MIPOL1: variants seen among roughly 807,000 people sequenced by gnomAD.
The protein encoded by MIPOL1 is mirror-image polydactyly gene 1 protein.
Under a neutral mutation model 60.9 loss-of-function variants are expected in MIPOL1, and 57 were observed. That is an observed-to-expected ratio of 0.94 (90% confidence interval 0.76 to 1.17). The LOEUF (loss-of-function observed/expected upper bound fraction) is 1.17, where lower values mean the gene tolerates loss of function less well. MIPOL1 is among the 50% of genes most tolerant of loss of function. The pLI, the probability that MIPOL1 is intolerant of heterozygous loss-of-function variation, is 0.00. For synonymous variants in MIPOL1, 179 were observed against 168.8 expected (o/e 1.06, Z -0.47); for missense variants, 551 against 511.6 (o/e 1.08, Z -0.74).
At chr14:37,543,605 T>C (rs1382124615) in intron 12 of MIPOL1, among the ~76,000 whole-genome samples, 1 of 152,182 alleles carries the variant, frequency 6.6e-6, no homozygotes, top group African/African-American at 2.4e-5. Context: ...GGGTAAAATG[T>C]CATAACATAA....
At chr14:37,402,578 G>A (rs769464298) in intron 10 of MIPOL1, among the ~76,000 whole-genome samples, 11 of 152,162 alleles carry the variant, frequency 7.2e-5, no homozygotes, top group Non-Finnish European at 2.9e-5. Flanking sequence ...ATTGAAATTG[G>A]TGTGAAAATG....
At chr14:37,220,279 A>C (rs747758534) in intron 1 of MIPOL1, among the ~76,000 whole-genome samples, 7 of 152,166 alleles carry the variant, frequency 4.6e-5, no homozygotes, top group Non-Finnish European at 1.5e-5. Flanking sequence ...GCTGTTTTGC[A>C]TCGTCTCAAA....
At chr14:37,418,289 T>C (rs1011711879) in intron 10 of MIPOL1, among the ~76,000 whole-genome samples, 4 of 152,164 alleles carry the variant, frequency 2.6e-5, no homozygotes, top group African/African-American at 9.6e-5. Flanking sequence ...TGTGGTCTTT[T>C]CTTTGTCATT....
At chr14:37,368,416 A>G (rs1184193434) in intron 9 of MIPOL1, among the ~76,000 whole-genome samples, 1 of 152,090 alleles carries the variant, frequency 6.6e-6, no homozygotes. Flanking sequence ...CAGAGGCAGA[A>G]GAAATCAGAG....
intron 11 of MIPOL1, among the ~76,000 whole-genome samples, chr14:37,432,056 C>T (rs1356466576): frequency 2.0e-5 from 3 of 152,166 alleles, no homozygotes; most frequent in Non-Finnish European, 4.4e-5. Context: ...CATGGACACA[C>T]CCAACAATTT....
chr14:37,458,685 C>CACAT (rs1475437228), intron 11 of MIPOL1, among the ~76,000 whole-genome samples: 1 of 151,632 alleles, frequency 6.6e-6, no homozygotes, highest in Non-Finnish European at 1.5e-5. Flanking sequence ...CACACATACA[C>CACAT]ACAGACACAC....
chr14:37,345,854 T>G (rs1680439607), intron 9 of MIPOL1, among the ~76,000 whole-genome samples: 1 of 152,238 alleles, frequency 6.6e-6, no homozygotes, highest in African/African-American at 2.4e-5. Flanking sequence ...TGCAGAATTT[T>G]TACTTAACGT....
At chr14:37,383,052 T>C (rs1452401606) in intron 10 of MIPOL1, among the ~76,000 whole-genome samples, 1 of 151,878 alleles carries the variant, frequency 6.6e-6, no homozygotes, top group Non-Finnish European at 1.5e-5. Flanking sequence ...TCTTGGAGTT[T>C]TGATAACTTA....
intron 1 of MIPOL1, among the ~76,000 whole-genome samples, chr14:37,226,381 C>T (rs767160776): frequency 4.6e-5 from 7 of 152,152 alleles, no homozygotes; most frequent in African/African-American, 1.4e-4. Flanking sequence ...CACAGTTCTA[C>T]GTGGATGGAG....
chr14:37,342,091 G>T lies in MIPOL1; in HGVS notation c.829-27426G>T, dbSNP rs528334702. 4.6e-5 allele frequency among the ~76,000 whole-genome samples: 7 copies of T among 152,284 alleles called. No individual in the cohort carries two copies. In the East Asian group the frequency reaches 1.4e-3, roughly 29 times the overall value. ...ATAATATGCATGTTGGCTGGGTGGAGTGGCTCATGCCTGTAATCCCAGCAC... is the reference window on the plus strand; with the variant it reads ...ATAATATGCATGTTGGCTGGGTGGATTGGCTCATGCCTGTAATCCCAGCAC... On this transcript the variant is annotated intron_variant, in intron 9 of 12. Coordinates refer to ENST00000684589, the MANE Select transcript of MIPOL1 (RefSeq NM_001388067.1).
chr14:37,278,533 T>C (rs2083847516), intron 6 of MIPOL1: 1 of 151,782 alleles, frequency 6.6e-6, no homozygotes, highest in South Asian at 2.1e-4. Flanking sequence ...ATTATATTGC[T>C]TAGAATTTTC....
chr14:37,247,626 A>C (rs568368534), intron 2 of MIPOL1, among the ~76,000 whole-genome samples: 1 of 152,148 alleles, frequency 6.6e-6, no homozygotes, highest in African/African-American at 2.4e-5. Flanking sequence ...AACTGTATAT[A>C]CTAAAATACA....
chr14:37,239,037 T>C (rs1971943705), intron 1 of MIPOL1, among the ~76,000 whole-genome samples: 1 of 150,250 alleles, frequency 6.7e-6, no homozygotes. Flanking sequence ...AAAAGTAGCA[T>C]ACATTGCTTA....
chr14:37,251,319 C>CA (rs1472617436), intron 3 of MIPOL1, among the ~76,000 whole-genome samples: 1 of 151,960 alleles, frequency 6.6e-6, no homozygotes, highest in Non-Finnish European at 1.5e-5. Flanking sequence ...TCTCCTGCCT[C>CA]AGACTCCCAA....
At chr14:37,335,851 G>C (rs1248235611) in intron 9 of MIPOL1, among the ~76,000 whole-genome samples, 1 of 151,986 alleles carries the variant, frequency 6.6e-6, no homozygotes, top group Non-Finnish European at 1.5e-5. Flanking sequence ...CCCATTCCAT[G>C]AATTGTCTTC....
At chr14:37,362,244 G>T (rs1018556995) in intron 9 of MIPOL1, among the ~76,000 whole-genome samples, 1 of 152,182 alleles carries the variant, frequency 6.6e-6, no homozygotes, top group Non-Finnish European at 1.5e-5. Flanking sequence ...GCAGTGGCTA[G>T]TACTGGTTGT....
intron 9 of MIPOL1, among the ~76,000 whole-genome samples, chr14:37,321,438 G>A: frequency 6.6e-6 from 1 of 151,890 alleles, no homozygotes; most frequent in Admixed American, 6.6e-5. Flanking sequence ...TTAATTCCCT[G>A]GTGGTGAGAA....
At chr14:37,544,275 G>A (rs1231007264) in intron 12 of MIPOL1, among the ~76,000 whole-genome samples, 5 of 152,194 alleles carry the variant, frequency 3.3e-5, no homozygotes. Flanking sequence ...TCATCCTTCT[G>A]ACTGAGAGAG....
At chr14:37,392,605 C>G (rs961654911) in intron 10 of MIPOL1, among the ~76,000 whole-genome samples, 1 of 152,074 alleles carries the variant, frequency 6.6e-6, no homozygotes, top group African/African-American at 2.4e-5. Flanking sequence ...TGTTCTCTAT[C>G]TTGAGGAAAA....
Sources: gnomAD v4.1 joint callset for allele counts (sites outside exome capture counted in the v4.1 genomes callset) on GRCh38, gnomAD v4.1.1 for gene constraint, MANE v1.5 for transcripts, NCBI Gene and HGNC (gene_info 2026-07-23, HGNC 2026-07-21) for gene names.